Variants in PHF21A observed in about 807,000 individuals in gnomAD.
PHF21A encodes PHD finger protein 21A.
PHF21A carries 11 observed loss-of-function variants against 82.5 expected under a neutral mutation model. That is an observed-to-expected ratio of 0.13 (90% CI 0.08 to 0.22). The LOEUF is 0.22. Among genes scored for constraint, PHF21A ranks in the 10% least tolerant of loss-of-function variants. The pLI is 1.00. For missense variants in PHF21A, 579 were observed against 837.8 expected (o/e 0.69, Z 3.81); for synonymous variants, 297 against 302.8 (o/e 0.98, Z 0.20).
chr11:46,003,593 G>A lies in PHF21A; in HGVS notation c.154-23627C>T, dbSNP rs757931748. ...TTCACGAAGGGCAGAGTGAGAAAAC[G>A]CTACAATTCTCACTAGGATGATGAC... is the stretch of plus-strand genomic sequence containing the variant. On this transcript the variant is annotated intron_variant, in intron 6 of 18. Coordinates refer to ENST00000676320, the MANE Select transcript of PHF21A (RefSeq NM_001352027.3). Among the ~76,000 whole-genome samples the A allele has an allele frequency of 9.2e-5, 14 of 152,178 alleles. No homozygotes were observed. In the East Asian group the frequency reaches 1.5e-3, roughly 17 times the overall value.
chr11:45,965,325 A>C lies in PHF21A; in HGVS notation c.986T>G (p.Leu329Arg). 1 of 1,613,906 alleles carries C rather than the reference A, an allele frequency of 6.2e-7. No individual in the cohort carries two copies. The highest frequency in any genetic ancestry group is 8.5e-7 in the Non-Finnish European group (1 of 1,179,930). Reference sequence around the variant, plus strand: ...ATACTCTGCCTGTACCTGTTTTTCAAGACTTGGCTTGCTAAGCTGTACAGT... The same window carrying C: ...ATACTCTGCCTGTACCTGTTTTTCACGACTTGGCTTGCTAAGCTGTACAGT... The part of the protein sequence containing the change: ...PQTVQLSKPS[L>R]EKQTVKSHTE... Residue 329 changes from leucine (L) to arginine (R), a missense_variant, in exon 10 of 19, where the codon CTT becomes CGT. Leu to Arg is a moderately radical substitution (Grantham distance 102, BLOSUM62 -2). Transcript: ENST00000676320.
chr11:46,073,769 T>C (rs1452718058), intron 6 of PHF21A, among the ~76,000 whole-genome samples: 1 of 152,204 alleles, frequency 6.6e-6, no homozygotes, highest in African/African-American at 2.4e-5. Context: ...CTATATAACA[T>C]ATAATTTATG....
chr11:46,119,400 A>G (rs949543104), intron 1 of PHF21A, among the ~76,000 whole-genome samples: 1 of 152,242 alleles, frequency 6.6e-6, no homozygotes, highest in Non-Finnish European at 1.5e-5. Flanking sequence ...CAGAGACATC[A>G]TTTTAAAAAC....
At chr11:46,043,062 C>A (rs1317393196) in intron 6 of PHF21A, among the ~76,000 whole-genome samples, 1 of 152,016 alleles carries the variant, frequency 6.6e-6, no homozygotes, top group Non-Finnish European at 1.5e-5. Context: ...ACTGTCCTAC[C>A]CCTCCTTTCC....
intron 6 of PHF21A, among the ~76,000 whole-genome samples, chr11:46,021,147 C>G (rs1462965136): frequency 6.6e-6 from 1 of 151,958 alleles, no homozygotes; most frequent in Non-Finnish European, 1.5e-5. Flanking sequence ...GCAGCCTTGA[C>G]CTTCTGAGCT....
intron 6 of PHF21A, among the ~76,000 whole-genome samples, chr11:45,991,423 T>C (rs1363699594): frequency 6.6e-6 from 1 of 152,168 alleles, no homozygotes; most frequent in Non-Finnish European, 1.5e-5. Flanking sequence ...AAATCAGGGA[T>C]AGAGTCAGAC....
intron 7 of PHF21A, among the ~76,000 whole-genome samples, chr11:45,974,263 CT>C (rs1277130652): frequency 6.6e-6 from 1 of 152,086 alleles, no homozygotes; most frequent in Non-Finnish European, 1.5e-5. Context: ...TACTCTGGTG[CT>C]TCTTCTTTCC....
At chr11:45,935,363 G>A in intron 18 of PHF21A, 4 of 849,696 alleles carry the variant, frequency 4.7e-6, no homozygotes, top group Non-Finnish European at 5.3e-6. Flanking sequence ...TGTTGTAGCT[G>A]TTACTTATTC....
In PHF21A at chr11:45,993,967, T is replaced by C. The variant is rs190402174; in HGVS notation, c.154-14001A>G. On this transcript the variant is annotated intron_variant, in intron 6 of 18. Coordinates refer to ENST00000676320, the MANE Select transcript of PHF21A (RefSeq NM_001352027.3). ...CCTAAAGGGACTGGGCAGGGCTAGA[T>C]AACTTGCTTCAAAGTGCCAGGGAGA... 4.4e-3 allele frequency among the ~76,000 whole-genome samples: 677 copies of C among 152,224 alleles called. 2 individuals are homozygous for C. Among genetic ancestry groups the C allele is most frequent in the Middle Eastern group, 0.017 (5 of 294 alleles).
chr11:46,059,245 A>G (rs2096500753), intron 6 of PHF21A, among the ~76,000 whole-genome samples: 2 of 152,196 alleles, frequency 1.3e-5, no homozygotes, highest in South Asian at 2.1e-4. Context: ...TTAAACGTCT[A>G]AAAATAGTGA....
At chr11:46,010,388 C>G (rs912572207) in intron 6 of PHF21A, among the ~76,000 whole-genome samples, 3 of 152,172 alleles carry the variant, frequency 2.0e-5, no homozygotes, top group African/African-American at 7.2e-5. Context: ...TGTGAAGATA[C>G]TTTACAGAAG....
At chr11:46,110,745 C>G (rs2135997966) in intron 1 of PHF21A, among the ~76,000 whole-genome samples, 1 of 152,024 alleles carries the variant, frequency 6.6e-6, no homozygotes, top group South Asian at 2.1e-4. Flanking sequence ...ACATTTTGGA[C>G]ACATCTAAGG....
In PHF21A at chr11:45,935,641, T is replaced by C. The variant is rs200410948; in HGVS notation, c.1783A>G (p.Ile595Val). ...AAGGCATGAGGTTTACTTACACTTA[T>C]GGAATTGCTGAGCTGTTTCACCTTT... ...EQKVKQLSNSISKCMEMKNTI... is the reference protein window; with the variant it reads ...EQKVKQLSNSVSKCMEMKNTI... The change falls in exon 18 of 19, where the codon ATA (isoleucine) becomes GTA (valine). Residue 595 changes from isoleucine (I) to valine (V), a missense_variant. Physicochemically the swap from Ile to Val is conservative, Grantham distance 29. Transcript: ENST00000676320. 3.5e-6 allele frequency: 5 copies of C among 1,448,856 alleles called. No homozygotes were observed. Among genetic ancestry groups the C allele is most frequent in the Admixed American group, 1.7e-5 (1 of 59,728 alleles). 89.8% of individuals were successfully genotyped at this position (1,448,856 alleles called of 1,614,324 possible). A position where few individuals can be genotyped will look rare whatever the true frequency, so the allele number is the denominator to read the frequency against.
intron 14 of PHF21A, 170 bp from the exon 15 acceptor site, chr11:45,946,173 G>A: frequency 7.0e-7 from 1 of 1,436,130 alleles, no homozygotes; most frequent in Non-Finnish European, 9.7e-7. Context: ...GAGAAGCAAA[G>A]ATTTAAATGT....
intron 1 of PHF21A, among the ~76,000 whole-genome samples, chr11:46,111,197 G>C (rs1028286475): frequency 6.6e-6 from 1 of 151,204 alleles, no homozygotes; most frequent in African/African-American, 2.4e-5. Context: ...GGCCAGGCGT[G>C]GTGGCTCACG....
chr11:46,069,837 T>C (rs2096635926), intron 6 of PHF21A, among the ~76,000 whole-genome samples: 1 of 152,228 alleles, frequency 6.6e-6, no homozygotes, highest in Non-Finnish European at 1.5e-5. Flanking sequence ...AGTAGTACTT[T>C]ACACGTAAGA....
Position 46,084,302 on chromosome 11 carries a change from G to C in PHF21A, c.-83C>G. ...GTAACAAACTCCTCTTCTCACTGCA[G>C]CTGTAAAGATCATAAAATGTTTTGG... On this transcript the variant is annotated splice_region_variant and 5_prime_UTR_variant, in exon 4 of 19. Transcript: ENST00000676320. The C allele has an allele frequency of 1.7e-5, 16 of 917,252 alleles. No homozygotes were observed. The highest frequency in any genetic ancestry group is 2.5e-5 in the Non-Finnish European group (15 of 598,956). 56.8% of individuals were successfully genotyped at this position (917,252 alleles called of 1,614,324 possible). A position where few individuals can be genotyped will look rare whatever the true frequency, so the allele number is the denominator to read the frequency against.
intron 1 of PHF21A, among the ~76,000 whole-genome samples, chr11:46,108,893 T>C (rs2097181184): frequency 6.6e-6 from 1 of 152,184 alleles, no homozygotes. Flanking sequence ...CCCCACCCCA[T>C]GCTACGCACT....
At chr11:45,987,198 A>G (rs1170084040) in intron 6 of PHF21A, among the ~76,000 whole-genome samples, 2 of 151,818 alleles carry the variant, frequency 1.3e-5, no homozygotes, top group Non-Finnish European at 2.9e-5. Flanking sequence ...GTGAGCTATA[A>G]TCATGCCACT....
Sources: allele counts gnomAD v4.1 joint callset (sites outside exome capture counted in the v4.1 genomes callset), GRCh38; gene constraint gnomAD v4.1.1; transcripts MANE v1.5; gene names NCBI Gene and HGNC (gene_info 2026-07-23, HGNC 2026-07-21).